FAM184A: variants seen among roughly 807,000 people sequenced by gnomAD.
FAM184A encodes the protein protein FAM184A.
Under a neutral mutation model 143.8 loss-of-function variants are expected in FAM184A, and 99 were observed. The observed-to-expected ratio is 0.69, with a 90% confidence interval of 0.58 to 0.81. The LOEUF is 0.81. Among genes scored for constraint, FAM184A ranks in the 40% least tolerant of loss-of-function variants. FAM184A has a pLI of 0.00. For missense variants in FAM184A, 1,217 were observed against 1,310.5 expected, an observed-to-expected ratio of 0.93 and a Z score of 1.10; for synonymous variants, 427 against 446.4, an observed-to-expected ratio of 0.96 and a Z score of 0.55.
At chr6:119,045,416 A>C (rs1482301936) in intron 1 of FAM184A, among the ~76,000 whole-genome samples, 1 of 152,020 alleles carries the variant, frequency 6.6e-6, no homozygotes. Flanking sequence ...CCCGATGTGC[A>C]GATGACATAA....
chr6:119,078,261 G>T lies in FAM184A; in HGVS notation c.39C>A (p.Tyr13Ter). ...TPGMSWQQHY[Y>*]GGSAAKFAPS... ...GCGCGAATTTGGCCGCCGAGCCGCC[G>T]TAATAGTGCTGCTGCCAGCTCATGC... The change falls in exon 1 of 18, where the codon TAC becomes TAA. Residue 13 changes from tyrosine (Y) to a stop codon, truncating the protein, a stop_gained. Coordinates refer to ENST00000338891, the MANE Select transcript of FAM184A (RefSeq NM_024581.6). LOFTEE classifies it high-confidence loss of function. The surrounding 1 kb of genome is among the most constrained non-coding windows in gnomAD (Gnocchi z 5.5). The T allele has an allele frequency of 6.5e-7, 1 of 1,534,834 alleles. No homozygotes were observed. Among genetic ancestry groups the T allele is most frequent in the Non-Finnish European group, 8.7e-7 (1 of 1,144,556 alleles).
rs1422215769 is a variant in FAM184A at position 119,146,396 on chromosome 6, ACGTGTG to A, written c.-202+2676_-202+2681del. On this transcript the variant is annotated intron_variant, in intron 1 of 16. Transcript: ENST00000352896. ...CTTCAGTGCCTTTCCCGATTAACTT[ACGTGTG>A]TGTGTGTGTGTGTGTGTGTGTGTGT... 6.3e-3 allele frequency among the ~76,000 whole-genome samples: 605 copies of A among 95,422 alleles called. 3 individuals carry two copies. Among genetic ancestry groups the A allele is most frequent in the African/African-American group, 0.024 (577 of 24,240 alleles). The allele number at this position is 95,422 out of a possible 152,430, so 62.6% of individuals were successfully genotyped here. A position where few individuals can be genotyped will look rare whatever the true frequency, so the allele number is the denominator to read the frequency against.
chr6:119,006,667 T>C, intron 6 of FAM184A, 59 bp from the exon 7 acceptor site: 1 of 1,287,152 alleles, frequency 7.8e-7, no homozygotes, highest in Non-Finnish European at 1.0e-6. Context: ...CAAAATAGTC[T>C]TACAATTTCT....
chr6:119,033,536 G>A (rs1422316897), intron 1 of FAM184A, among the ~76,000 whole-genome samples: 2 of 151,882 alleles, frequency 1.3e-5, no homozygotes, highest in Non-Finnish European at 2.9e-5. Context: ...GTAGTGGCAG[G>A]TGCCTGTATT....
Position 119,035,546 on chromosome 6 carries a change from G to A in FAM184A, c.160-10733C>T, listed in dbSNP as rs183516398. ...CTCTTGTGGGGAAAATCTACATTGT[G>A]TGGAGAATCCCCCTCCCTTTCCAGG... On this transcript the variant is annotated intron_variant, in intron 1 of 17. Transcript: ENST00000338891. 3.2e-3 allele frequency among the ~76,000 whole-genome samples: 489 copies of A among 152,248 alleles called. 4 individuals carry two copies. Among genetic ancestry groups the A allele is most frequent in the African/African-American group, 0.011 (476 of 41,534 alleles).
At chr6:119,099,994 T>C (rs1481693000) in intron 1 of FAM184A, among the ~76,000 whole-genome samples, 3 of 152,014 alleles carry the variant, frequency 2.0e-5, no homozygotes, top group African/African-American at 7.3e-5. Context: ...CATCAAAAGG[T>C]GAGAAGTCTT....
At chr6:119,050,826 A>G (rs1449761401) in intron 1 of FAM184A, among the ~76,000 whole-genome samples, 4 of 152,134 alleles carry the variant, frequency 2.6e-5, no homozygotes, top group African/African-American at 7.2e-5. Flanking sequence ...AAAAAAAAAA[A>G]AGAGATCATG....
chr6:119,138,945 C>G (rs1397930756), intron 1 of FAM184A, among the ~76,000 whole-genome samples: 2 of 151,990 alleles, frequency 1.3e-5, no homozygotes, highest in Admixed American at 1.3e-4. Flanking sequence ...TATAATGATT[C>G]TTGTGGTTAT....
intron 1 of FAM184A, among the ~76,000 whole-genome samples, chr6:119,060,435 A>G (rs1787186742): frequency 6.6e-6 from 1 of 152,254 alleles, no homozygotes; most frequent in African/African-American, 2.4e-5. Context: ...AGTCTAGTAC[A>G]GATAAAGAAT....
chr6:119,142,419 C>G (rs1231506018), intron 1 of FAM184A, among the ~76,000 whole-genome samples: 2 of 152,162 alleles, frequency 1.3e-5, no homozygotes, highest in African/African-American at 4.8e-5. Context: ...TTTCTAAAAC[C>G]AGGCTTGATC....
At chr6:119,123,829 A>G (rs1008269948) in intron 1 of FAM184A, among the ~76,000 whole-genome samples, 2 of 152,246 alleles carry the variant, frequency 1.3e-5, no homozygotes, top group Admixed American at 6.5e-5. Context: ...ACAGTTATAT[A>G]CTGTAGAGAA....
chr6:119,071,667 A>C (rs555612241), intron 1 of FAM184A, among the ~76,000 whole-genome samples: 1 of 152,076 alleles, frequency 6.6e-6, no homozygotes, highest in Admixed American at 6.6e-5. Flanking sequence ...CTTATTGAAT[A>C]AGTAATATTA....
chr6:119,141,789 A>C (rs1772246982), intron 1 of FAM184A, among the ~76,000 whole-genome samples: 1 of 151,308 alleles, frequency 6.6e-6, no homozygotes, highest in South Asian at 2.1e-4. Context: ...TGTGCTCCTT[A>C]AAAAAAAAGT....
intron 1 of FAM184A, among the ~76,000 whole-genome samples, chr6:119,031,081 TA>T (rs1046664308): frequency 6.6e-6 from 1 of 152,102 alleles, no homozygotes; most frequent in Non-Finnish European, 1.5e-5. Flanking sequence ...TTTCCTATGA[TA>T]AATCTTTTTT....
chr6:119,065,554 G>A (rs1001934054), intron 1 of FAM184A, among the ~76,000 whole-genome samples: 4 of 152,110 alleles, frequency 2.6e-5, no homozygotes, highest in African/African-American at 7.2e-5. Context: ...CTCAGTCAAC[G>A]TTAATAGTTA....
At chr6:119,083,677 C>A (rs1301296726) in intron 1 of FAM184A, among the ~76,000 whole-genome samples, 4 of 152,150 alleles carry the variant, frequency 2.6e-5, no homozygotes, top group Non-Finnish European at 5.9e-5. Flanking sequence ...CCAATAAGTT[C>A]CTCATCTTCA....
At chr6:119,023,717 T>G (rs1380497730) in intron 2 of FAM184A, among the ~76,000 whole-genome samples, 1 of 151,528 alleles carries the variant, frequency 6.6e-6, no homozygotes. Context: ...GGTTTTAAGC[T>G]TGTCTTTTTG....
At chr6:119,027,740 A>G (rs1582523785) in intron 1 of FAM184A, among the ~76,000 whole-genome samples, 1 of 152,320 alleles carries the variant, frequency 6.6e-6, no homozygotes, top group East Asian at 1.9e-4. Flanking sequence ...TGTCTTTTAG[A>G]GGCTTGAAAC....
At chr6:119,147,770 A>C (rs1444331672) in intron 1 of FAM184A, among the ~76,000 whole-genome samples, 1 of 152,140 alleles carries the variant, frequency 6.6e-6, no homozygotes, top group Non-Finnish European at 1.5e-5. Context: ...ACCATTTTAA[A>C]TTTAGGAACA....
Sources: allele counts gnomAD v4.1 joint callset (sites outside exome capture counted in the v4.1 genomes callset), GRCh38; gene constraint gnomAD v4.1.1; non-coding constraint Gnocchi (gnomAD v3.1); transcripts MANE v1.5; gene names NCBI Gene and HGNC (gene_info 2026-07-23, HGNC 2026-07-21).